Variants in C4orf51 observed in about 807,000 individuals in gnomAD.
The protein encoded by C4orf51 is chromosome 4 open reading frame 51.
In C4orf51, 25 loss-of-function variants were observed where a neutral mutation model predicts 25.2. The observed-to-expected ratio is 0.99, with a 90% CI of 0.72 to 1.39. C4orf51 has a LOEUF of 1.39. C4orf51 is among the 40% of genes most tolerant of loss of function. The pLI, the probability that C4orf51 is intolerant of heterozygous loss-of-function variation, is 0.00. For synonymous variants in C4orf51, 100 were observed against 84.5 expected (o/e 1.18, Z -1.01); for missense variants, 252 against 239.6 (o/e 1.05, Z -0.34).
At chr4:145,755,000 T>A (rs1733862408), downstream of C4orf51, among the ~76,000 whole-genome samples, 1 of 152,134 alleles carries the variant, frequency 6.6e-6, no homozygotes, top group Non-Finnish European at 1.5e-5. Flanking sequence ...AGAAAAATCT[T>A]TTTAGTCATT....
rs188817079 is a variant in C4orf51, at chr4:145,686,552, T to C, written c.233+6116T>C. The stretch of plus-strand genomic sequence containing the variant: ...AGGGATGTACATTCTGTATATTCAC[T>C]GCTTGCACAAATTGTCAAAGTCAAC... On this transcript the variant is annotated intron_variant, in intron 1 of 5. Coordinates refer to ENST00000438731, the MANE Select transcript of C4orf51 (RefSeq NM_001080531.3). 1.4e-3 allele frequency among the ~76,000 whole-genome samples: 217 copies of C among 152,260 alleles called. 2 individuals carry two copies. Among genetic ancestry groups the C allele is most frequent in the African/African-American group, 4.6e-3 (192 of 41,550 alleles).
At chr4:145,750,654 C>T (rs976317477) in intron 1 of C4orf51, among the ~76,000 whole-genome samples, 1 of 151,962 alleles carries the variant, frequency 6.6e-6, no homozygotes, top group African/African-American at 2.4e-5. Context: ...GTTCTATAAC[C>T]TTCTTGTACT....
At chr4:145,700,547 ATG>A (rs1323795629) in intron 2 of C4orf51, among the ~76,000 whole-genome samples, 1 of 152,146 alleles carries the variant, frequency 6.6e-6, no homozygotes, top group Non-Finnish European at 1.5e-5. Flanking sequence ...TAGCCGGAAA[ATG>A]GCACTTTCAA....
chr4:145,723,713 T>A (rs1258677501), intron 2 of C4orf51, among the ~76,000 whole-genome samples: 3 of 152,236 alleles, frequency 2.0e-5, no homozygotes, highest in Non-Finnish European at 4.4e-5. Flanking sequence ...AATTGCCCAA[T>A]TCAGTTACAG....
chr4:145,772,892 C>T (rs1274830807), downstream of C4orf51, among the ~76,000 whole-genome samples: 4 of 152,152 alleles, frequency 2.6e-5, no homozygotes, highest in Non-Finnish European at 5.9e-5. Flanking sequence ...GTGGTAATTA[C>T]GAGGTATGTG....
intron 2 of C4orf51, among the ~76,000 whole-genome samples, chr4:145,697,300 A>G (rs1441828045): frequency 2.6e-5 from 4 of 151,902 alleles, no homozygotes; most frequent in African/African-American, 9.7e-5. Flanking sequence ...GGATTTCACC[A>G]TGTTGGCCAG....
At chr4:145,775,704 G>T, downstream of C4orf51, 1 of 1,506,764 alleles carries the variant, frequency 6.6e-7, no homozygotes, top group Non-Finnish European at 9.1e-7. Flanking sequence ...GGGGCCTCGT[G>T]ATGTATGCCC....
At chr4:145,742,706 A>AT (rs762039264) in intron 1 of C4orf51, among the ~76,000 whole-genome samples, 8 of 151,190 alleles carry the variant, frequency 5.3e-5, no homozygotes, top group African/African-American at 9.7e-5. Flanking sequence ...CGCCCAGCTA[A>AT]TTTTTTTGTA....
rs774978361 is a variant in C4orf51, at chr4:145,732,482, G to C, written c.531G>C (p.Lys177Asn). The change falls in exon 6 of 6, where the codon AAG (lysine) becomes AAC (asparagine). Residue 177 changes from lysine to asparagine, a missense_variant. By Grantham distance (94) the Lys-to-Asn change is moderately conservative (BLOSUM62 0). Coordinates refer to ENST00000438731, the MANE Select transcript of C4orf51 (RefSeq NM_001080531.3). ...HLHGRCDSES[K>N]VCSSEDSEAD... ...ATGGACGGTGCGATTCTGAAAGCAAGGTTTGCTCATCTGAGGATTCAGAAG... is the reference window on the plus strand; with the variant it reads ...ATGGACGGTGCGATTCTGAAAGCAACGTTTGCTCATCTGAGGATTCAGAAG... 6.2e-7 allele frequency: 1 copy of C among 1,611,032 alleles called. No individual in the cohort carries two copies. Among genetic ancestry groups the C allele is most frequent in the Non-Finnish European group, 8.5e-7 (1 of 1,178,872 alleles).
downstream of C4orf51, chr4:145,774,699 G>T: frequency 1.9e-6 from 3 of 1,605,888 alleles, no homozygotes; most frequent in African/African-American, 1.3e-5. Context: ...AAGAAAAGAG[G>T]GGGAGAGAAA....
intron 1 of C4orf51, chr4:145,764,651 G>A: frequency 3.5e-6 from 1 of 283,170 alleles, no homozygotes; most frequent in Middle Eastern, 1.2e-3. Flanking sequence ...TTATGCTTGG[G>A]GACACTAAGC....
intron 2 of C4orf51, among the ~76,000 whole-genome samples, chr4:145,698,584 A>G (rs763030946): frequency 1.1e-4 from 16 of 152,234 alleles, no homozygotes; most frequent in Non-Finnish European, 1.9e-4. Flanking sequence ...GGTAGGTTTC[A>G]GAGAGAATAG....
At chr4:145,780,782 T>C in the C4orf51 span, among the ~76,000 whole-genome samples, 3 of 152,330 alleles carry the variant, frequency 2.0e-5, no homozygotes, top group East Asian at 3.9e-4. Context: ...TAAGTTAATA[T>C]CTTGTCTTTT....
At chr4:145,744,234 T>A (rs2126798985) in intron 1 of C4orf51, among the ~76,000 whole-genome samples, 1 of 152,266 alleles carries the variant, frequency 6.6e-6, no homozygotes, top group Admixed American at 6.5e-5. Flanking sequence ...AGGCTGGGAC[T>A]TGCTTTAGAA....
In C4orf51 at chr4:145,763,972, C is replaced by T. The variant is rs1734898019; in HGVS notation, n.167-7016C>T. 2.0e-5 allele frequency among the ~76,000 whole-genome samples: 3 copies of T among 152,130 alleles called. No homozygotes were observed. Among genetic ancestry groups the T allele is most frequent in the African/African-American group, 7.2e-5 (3 of 41,416 alleles). On this transcript the variant is annotated intron_variant and non_coding_transcript_variant, in intron 1 of 1. Coordinates refer to the C4orf51 transcript ENST00000510096. This position sits in a 1 kb window ranked among gnomAD's most constrained non-coding sequence, Gnocchi z 4.6. ...CAGGGGCCTGGGGGGACCCAACCTG[C>T]ACTGACCCCAACACTCCACTCCCAG...
Position 145,694,175 on chromosome 4 carries a change from C to T in C4orf51, c.234-2384C>T, listed in dbSNP as rs1029046873. 2.9e-4 allele frequency among the ~76,000 whole-genome samples: 42 copies of T among 146,784 alleles called. 1 individual carries two copies. The highest frequency in any genetic ancestry group is 9.4e-4 in the African/African-American group (37 of 39,238). ...CCTCACATCCCAGACGATGTGCGGC[C>T]GGGCAGAGACGCTCCTCACTTCCTA... On this transcript the variant is annotated intron_variant, in intron 1 of 5. Transcript: ENST00000438731.
chr4:145,695,731 A>G lies in C4orf51; in HGVS notation c.234-828A>G, dbSNP rs1446586864. Among the ~76,000 whole-genome samples, 5 of 152,360 alleles carry G rather than the reference A, an allele frequency of 3.3e-5. No homozygotes were observed. In the East Asian group the frequency reaches 9.6e-4, roughly 29 times the overall value. The stretch of plus-strand genomic sequence containing the variant: ...GCATGCAAATGTTCATTGCAGCATT[A>G]TTCACAATAGCAAAGACCTAGAATC... On this transcript the variant is annotated intron_variant, in intron 1 of 5. Transcript: ENST00000438731.
At chr4:145,715,063 G>A (rs1391142203) in intron 2 of C4orf51, among the ~76,000 whole-genome samples, 2 of 152,198 alleles carry the variant, frequency 1.3e-5, no homozygotes, top group African/African-American at 4.8e-5. Flanking sequence ...CATGCCATCT[G>A]CAGAGGCTTG....
chr4:145,716,892 G>A (rs990136677), intron 2 of C4orf51, among the ~76,000 whole-genome samples: 1 of 152,202 alleles, frequency 6.6e-6, no homozygotes, highest in Non-Finnish European at 1.5e-5. Context: ...CTAACCGTGT[G>A]TGCTATTGTT....
Sources: gnomAD v4.1 joint callset for allele counts (sites outside exome capture counted in the v4.1 genomes callset) on GRCh38, gnomAD v4.1.1 for gene constraint, Gnocchi (gnomAD v3.1) non-coding constraint, MANE v1.5 for transcripts, NCBI Gene and HGNC (gene_info 2026-07-23, HGNC 2026-07-21) for gene names.